MACROD2: variants seen among roughly 807,000 people sequenced by gnomAD.
MACROD2 encodes mono-ADP ribosylhydrolase 2.
MACROD2 carries 36 observed loss-of-function variants against 70.4 expected under a neutral mutation model. The ratio of observed to expected loss-of-function variants is 0.51; its 90% CI spans 0.39 to 0.68. MACROD2 has a LOEUF of 0.68. MACROD2 is among the 30% of genes least tolerant of loss of function. MACROD2 has a pLI of 0.00. For synonymous variants in MACROD2, 172 were observed against 178.8 expected (o/e 0.96, Z 0.30); for missense variants, 496 against 538.4 (o/e 0.92, Z 0.78).
intron 8 of MACROD2, among the ~76,000 whole-genome samples, chr20:15,826,330 G>A (rs543130600): frequency 4.4e-4 from 67 of 152,244 alleles, no homozygotes; most frequent in Admixed American, 3.5e-3. Flanking sequence ...GTTGGGGAGG[G>A]AAAGGTGAAA....
At chr20:15,677,669 A>G (rs985495500) in intron 8 of MACROD2, among the ~76,000 whole-genome samples, 3 of 19,550 alleles carry the variant, frequency 1.5e-4, no homozygotes, top group African/African-American at 7.0e-4. Context: ...AAAACCAACC[A>G]ACCAACCAAC....
intron 5 of MACROD2, among the ~76,000 whole-genome samples, chr20:14,806,648 T>C (rs1422432992): frequency 6.6e-6 from 1 of 152,106 alleles, no homozygotes; most frequent in Non-Finnish European, 1.5e-5. Context: ...TCTTGCTCAG[T>C]GGATCCCACC....
intron 8 of MACROD2, among the ~76,000 whole-genome samples, chr20:15,820,077 A>T (rs1194543985): frequency 6.6e-6 from 1 of 152,088 alleles, no homozygotes; most frequent in African/African-American, 2.4e-5. Context: ...AACCTCAACT[A>T]TACCATGCTC....
chr20:14,465,837 T>G (rs183905923), intron 3 of MACROD2, among the ~76,000 whole-genome samples: 1 of 152,120 alleles, frequency 6.6e-6, no homozygotes. Context: ...AAAATTCTTT[T>G]CTTTAAGAAT....
chr20:15,365,401 C>T (rs1001898258), intron 6 of MACROD2, among the ~76,000 whole-genome samples: 2 of 152,080 alleles, frequency 1.3e-5, no homozygotes, highest in Non-Finnish European at 2.9e-5. Context: ...CATGGTGGCT[C>T]ACACCTGTAA....
rs1979407553 is a variant in MACROD2 at position 14,561,173 on chromosome 20, A to G, written c.301+67665A>G. Among the ~76,000 whole-genome samples, 4 of 152,004 alleles carry G rather than the reference A, an allele frequency of 2.6e-5. No homozygotes were observed. In the South Asian group the frequency reaches 8.3e-4, roughly 31 times the overall value. ...TGCATGTGTACCAAAGAACACCTGT[A>G]TTGTTATAATTTGTATGTAAATTGT... On this transcript the variant is annotated intron_variant, in intron 4 of 17. Transcript: ENST00000684519.
chr20:15,481,386 A>G (rs2047095349), intron 7 of MACROD2, among the ~76,000 whole-genome samples: 1 of 152,186 alleles, frequency 6.6e-6, no homozygotes, highest in South Asian at 2.1e-4. Flanking sequence ...GGCTGGCCAA[A>G]TTTCCTTTCA....
intron 7 of MACROD2, among the ~76,000 whole-genome samples, chr20:15,461,002 A>ATTTTT (rs199589127): frequency 2.4e-4 from 12 of 50,262 alleles, no homozygotes; most frequent in South Asian, 8.7e-4. Context: ...ATATATATAT[A>ATTTTT]TATATTTTTT....
intron 4 of MACROD2, among the ~76,000 whole-genome samples, chr20:14,661,739 A>G (rs6110382): frequency 0.01 from 1,553 of 152,168 alleles, 22 homozygotes; most frequent in African/African-American, 0.035. Flanking sequence ...AGAAATTTCC[A>G]ATATTCCTAT....
At chr20:15,930,223 G>A (rs530676353) in intron 10 of MACROD2, among the ~76,000 whole-genome samples, 13 of 152,190 alleles carry the variant, frequency 8.5e-5, no homozygotes, top group South Asian at 6.2e-4. Flanking sequence ...TTCCTGTGAC[G>A]ATAGCTAGAC....
At chr20:15,939,353 G>T (rs1008385979) in intron 12 of MACROD2, among the ~76,000 whole-genome samples, 3 of 152,170 alleles carry the variant, frequency 2.0e-5, no homozygotes, top group Non-Finnish European at 4.4e-5. Context: ...TTAAGTTGAA[G>T]ACAATGCTCA....
chr20:15,552,760 A>G (rs1297423234), intron 8 of MACROD2: 2 of 152,214 alleles, frequency 1.3e-5, no homozygotes, highest in Admixed American at 1.3e-4. Context: ...TGAATAAATA[A>G]TCTGGTATCT....
chr20:15,118,705 C>CAAA (rs2076009862), intron 5 of MACROD2, among the ~76,000 whole-genome samples: 2 of 152,172 alleles, frequency 1.3e-5, no homozygotes, highest in Admixed American at 1.3e-4. Flanking sequence ...GGTTGTAGAA[C>CAAA]AAATCAAATA....
intron 5 of MACROD2, among the ~76,000 whole-genome samples, chr20:14,923,634 G>A (rs931326056): frequency 2.6e-5 from 4 of 152,052 alleles, no homozygotes; most frequent in Middle Eastern, 3.4e-3. Flanking sequence ...AAATATCATG[G>A]TGTGAGTTCA....
At chr20:14,902,472 T>C (rs1331963215) in intron 5 of MACROD2, among the ~76,000 whole-genome samples, 1 of 152,194 alleles carries the variant, frequency 6.6e-6, no homozygotes, top group Non-Finnish European at 1.5e-5. Flanking sequence ...ATAATCTTCC[T>C]GAGGCATTCT....
chr20:15,956,748 C>T (rs2065982671), intron 12 of MACROD2, among the ~76,000 whole-genome samples: 1 of 152,090 alleles, frequency 6.6e-6, no homozygotes, highest in Admixed American at 6.6e-5. Flanking sequence ...GGTTGGGGCC[C>T]CACAGTCTGT....
At chr20:15,633,465 G>A (rs1377791841) in intron 8 of MACROD2, among the ~76,000 whole-genome samples, 1 of 152,150 alleles carries the variant, frequency 6.6e-6, no homozygotes, top group Non-Finnish European at 1.5e-5. Context: ...CCCAGAACCA[G>A]AAAATGCCAT....
intron 11 of MACROD2, among the ~76,000 whole-genome samples, chr20:15,936,055 T>C (rs1052804758): frequency 2.0e-5 from 3 of 152,124 alleles, no homozygotes; most frequent in Non-Finnish European, 4.4e-5. Flanking sequence ...ATAAGTGATT[T>C]GTGATTTGCT....
At chr20:15,656,512 T>TG (rs1195277652) in intron 8 of MACROD2, among the ~76,000 whole-genome samples, 1 of 152,242 alleles carries the variant, frequency 6.6e-6, no homozygotes, top group African/African-American at 2.4e-5. Context: ...GCCTAATGGC[T>TG]GAGCCCTATC....
Sources: gnomAD v4.1 joint callset for allele counts (sites outside exome capture counted in the v4.1 genomes callset) on GRCh38, gnomAD v4.1.1 for gene constraint, MANE v1.5 for transcripts, NCBI Gene and HGNC (gene_info 2026-07-23, HGNC 2026-07-21) for gene names.